Variants in GPX3 observed in about 807,000 individuals in gnomAD.
GPX3 encodes the protein glutathione peroxidase 3, also known as GPx-3.
In GPX3, 22 loss-of-function variants were observed where a neutral mutation model predicts 25.1. That is an observed-to-expected ratio of 0.88 (90% CI 0.63 to 1.25). The LOEUF is 1.25. GPX3 is among the 50% of genes most tolerant of loss of function. The probability of loss-of-function intolerance (pLI) is 0.00; values close to 1 mark genes in which losing one functional copy is unlikely to be tolerated. For missense variants in GPX3, 278 were observed against 286.6 expected, an observed-to-expected ratio of 0.97 and a Z score of 0.22; for synonymous variants, 110 against 114.5, an observed-to-expected ratio of 0.96 and a Z score of 0.25.
At chr5:151,027,052 C>T (rs1188650070) in intron 3 of GPX3, 35 bp downstream of exon 3, 3 of 1,362,958 alleles carry the variant, frequency 2.2e-6, no homozygotes, top group Non-Finnish European at 3.1e-6. Flanking sequence ...GAAAGCTCCT[C>T]TCACATGGCC....
At chr5:151,021,994 TACTC>T (rs1399142279) in intron 1 of GPX3, 1 of 152,310 alleles carries the variant, frequency 6.6e-6, no homozygotes, top group African/African-American at 2.4e-5. Context: ...CCTTCCATGT[TACTC>T]ACCCCTTTTC....
At chr5:151,020,780 C>T in intron 1 of GPX3, 39 bp downstream of exon 1, 5 of 1,571,190 alleles carry the variant, frequency 3.2e-6, no homozygotes, top group Non-Finnish European at 4.4e-6. Context: ...GAGAAAAAAC[C>T]TAGCCCCTCG....
At chr5:151,022,745 C>T (rs1445958879) in intron 1 of GPX3, among the ~76,000 whole-genome samples, 1 of 152,142 alleles carries the variant, frequency 6.6e-6, no homozygotes, top group Non-Finnish European at 1.5e-5. Context: ...CTGCAGAAGC[C>T]GGAAAGAGTG....
In GPX3 at chr5:151,028,014, G is replaced by C; in HGVS notation, c.565G>C (p.Gly189Arg). Residue 189 changes from glycine to arginine, a missense_variant, in exon 5 of 5, where the codon GGG becomes CGG. Physicochemically the swap from Gly to Arg is moderately radical, Grantham distance 125. Coordinates refer to ENST00000388825, the MANE Select transcript of GPX3 (RefSeq NM_002084.5). ...CTGGAACTTTGAGAAGTTCCTGGTG[G>C]GGCCAGATGGTATACCCATCATGCG... Reference protein sequence around the residue: ...IRWNFEKFLVGPDGIPIMRWH... With the variant: ...IRWNFEKFLVRPDGIPIMRWH... 1 of 1,614,174 alleles carries C rather than the reference G, an allele frequency of 6.2e-7. No homozygotes were observed.
intron 1 of GPX3, among the ~76,000 whole-genome samples, chr5:151,024,991 T>C (rs1756526029): frequency 6.6e-6 from 1 of 152,212 alleles, no homozygotes; most frequent in African/African-American, 2.4e-5. Flanking sequence ...GTAAATGTTC[T>C]GAAATTGACA....
Position 151,027,785 on chromosome 5 carries a change from C to A in GPX3, c.460-124C>A, listed in dbSNP as rs535300249. On this transcript the variant is annotated intron_variant, in intron 4 of 4. Coordinates refer to ENST00000388825, the MANE Select transcript of GPX3 (RefSeq NM_002084.5). ...CTTCTAGAGCCACAGCTGGCGCTGG[C>A]AGTCTTCTAACTCCCAAACTGGGGC... The A allele has an allele frequency of 9.7e-6, 8 of 827,576 alleles. No homozygotes were observed. The Admixed American group carries it at 1.3e-4, about 14-fold the overall frequency. The allele number at this position is 827,576 out of a possible 1,614,324, so 51.3% of individuals were successfully genotyped here. A position where few individuals can be genotyped will look rare whatever the true frequency, so the allele number is the denominator to read the frequency against.
intron 1 of GPX3, among the ~76,000 whole-genome samples, chr5:151,024,796 G>A (rs1009041533): frequency 6.6e-6 from 1 of 152,150 alleles, no homozygotes; most frequent in African/African-American, 2.4e-5. Flanking sequence ...TGCAGATTGG[G>A]AGCCTCTGAA....
At chr5:151,020,903 A>G (rs1260069547) in intron 1 of GPX3, 162 bp downstream of exon 1, 1 of 715,320 alleles carries the variant, frequency 1.4e-6, no homozygotes, top group South Asian at 1.5e-5. Context: ...CGCCGCCGGG[A>G]CCCCGCCCCC....
At chr5:151,027,333 C>A in intron 3 of GPX3, 99 bp from the exon 4 acceptor site, 1 of 781,828 alleles carries the variant, frequency 1.3e-6, no homozygotes, top group Non-Finnish European at 2.2e-6. Context: ...CAGAATAAAT[C>A]CAGACTCCCA....
intron 2 of GPX3, 90 bp from the exon 3 acceptor site, chr5:151,026,810 C>T (rs1254432872): frequency 5.6e-6 from 5 of 897,266 alleles, no homozygotes; most frequent in East Asian, 2.5e-5. Context: ...GTAGTTCCAG[C>T]GGCACAGCGG....
intron 1 of GPX3, among the ~76,000 whole-genome samples, chr5:151,022,778 T>C (rs907881758): frequency 2.0e-5 from 3 of 152,124 alleles, no homozygotes; most frequent in Non-Finnish European, 4.4e-5. Flanking sequence ...GTGCACGGGA[T>C]CCTAGTAACT....
chr5:151,026,674 G>A, intron 2 of GPX3: 1 of 457,364 alleles, frequency 2.2e-6, no homozygotes, highest in Non-Finnish European at 3.9e-6. Flanking sequence ...TTGAGGAAGG[G>A]TATTATTCTT....
rs765592824 is a variant in GPX3 at position 151,027,024 on chromosome 5, A to G, written c.359+7A>G. On this transcript the variant is annotated splice_region_variant and intron_variant, in intron 3 of 4. Transcript: ENST00000388825. ...AGATCCTTCCTACCCTCAAGTGAGT[A>G]CTCACTCAGCATCCTGAGAAAGCTC... 9 of 1,563,688 alleles carry G rather than the reference A, an allele frequency of 5.8e-6. No homozygotes were observed. Among genetic ancestry groups the G allele is most frequent in the Non-Finnish European group, 2.6e-6 (3 of 1,135,224 alleles).
chr5:151,027,844 G>T (rs1756574831), intron 4 of GPX3, 65 bp from the exon 5 acceptor site: 1 of 1,321,998 alleles, frequency 7.6e-7, no homozygotes, highest in African/African-American at 1.4e-5. Context: ...CCCCAGGAAG[G>T]CCTGGGAAGG....
chr5:151,025,097 CTTAATA>C lies in GPX3; in HGVS notation c.88-236_88-231del, dbSNP rs892752948. Reference sequence around the variant, plus strand: ...AATATTAATAAGTGCTTATTAGGTGCTTAATATTAATAAGTGCTTTTTAAGCACTTA... The same window carrying C: ...AATATTAATAAGTGCTTATTAGGTGCTTAATAAGTGCTTTTTAAGCACTTA... On this transcript the variant is annotated intron_variant, in intron 1 of 4. Coordinates refer to ENST00000388825, the MANE Select transcript of GPX3 (RefSeq NM_002084.5). 9.9e-5 allele frequency among the ~76,000 whole-genome samples: 15 copies of C among 152,226 alleles called. 2 individuals are homozygous for C. Among genetic ancestry groups the C allele is most frequent in the South Asian group, 4.1e-4 (2 of 4,822 alleles).
chr5:151,023,394 A>C (rs576667991), intron 1 of GPX3, among the ~76,000 whole-genome samples: 13 of 152,294 alleles, frequency 8.5e-5, no homozygotes, highest in Middle Eastern at 3.4e-3. Flanking sequence ...GGGCAGCAGC[A>C]TGCTTATCTC....
At chr5:151,025,527 G>A (rs1306061680) in intron 2 of GPX3, 34 bp downstream of exon 2, 2 of 1,549,728 alleles carry the variant, frequency 1.3e-6, no homozygotes, top group African/African-American at 2.8e-5. Flanking sequence ...GCTTTATTTG[G>A]GGCTGTATGG....
At chr5:151,023,009 A>G (rs4958434) in intron 1 of GPX3, among the ~76,000 whole-genome samples, 117,743 of 151,988 alleles carry the variant, frequency 0.77, 46,492 homozygotes, top group East Asian at 0.97. Context: ...TGATAGGAGT[A>G]ATAAGACGGG....
chr5:151,027,028 A>C lies in GPX3; in HGVS notation c.359+11A>C, dbSNP rs758557924. 3.5e-5 allele frequency: 54 copies of C among 1,550,200 alleles called. No homozygotes were observed. The highest frequency in any genetic ancestry group is 4.7e-5 in the Non-Finnish European group (53 of 1,123,480). The stretch of plus-strand genomic sequence containing the variant: ...CCTTCCTACCCTCAAGTGAGTACTC[A>C]CTCAGCATCCTGAGAAAGCTCCTCT... On this transcript the variant is annotated intron_variant, in intron 3 of 4. Coordinates refer to ENST00000388825, the MANE Select transcript of GPX3 (RefSeq NM_002084.5).
Sources: gnomAD v4.1 joint callset for allele counts (sites outside exome capture counted in the v4.1 genomes callset) on GRCh38, gnomAD v4.1.1 for gene constraint, MANE v1.5 for transcripts, NCBI Gene and HGNC (gene_info 2026-07-23, HGNC 2026-07-21) for gene names.